The following CFAP46 variants were observed in gnomAD, a reference collection of about 807,000 sequenced individuals.
The protein encoded by CFAP46 is cilia- and flagella-associated protein 46.
In CFAP46, 245 loss-of-function variants were observed where a neutral mutation model predicts 325.7. The observed-to-expected ratio is 0.75, with a 90% CI of 0.68 to 0.84. CFAP46 has a LOEUF of 0.84. CFAP46 is among the 40% of genes least tolerant of loss of function. CFAP46 has a pLI of 0.00. For synonymous variants in CFAP46, 1,523 were observed against 1,495.9 expected (o/e 1.02, Z -0.42); for missense variants, 3,346 against 3,543.0 (o/e 0.94, Z 1.41).
chr10:132,892,093 C>T (rs1268832556), intron 25 of CFAP46, among the ~76,000 whole-genome samples: 2 of 152,198 alleles, frequency 1.3e-5, no homozygotes, highest in African/African-American at 4.8e-5. Flanking sequence ...TTTTCATGGA[C>T]AGTCAGAAGG....
At chr10:132,814,541 C>CGT (rs1565031928) in intron 53 of CFAP46, 36 bp downstream of exon 53, 2 of 1,550,258 alleles carry the variant, frequency 1.3e-6, no homozygotes, top group South Asian at 2.4e-5. Context: ...CCGAGGCTGG[C>CGT]GTGTGCCTGA....
chr10:132,836,278 C>T (rs1848246534), intron 45 of CFAP46, 60 bp from the exon 46 acceptor site: 1 of 1,532,158 alleles, frequency 6.5e-7, no homozygotes, highest in Admixed American at 1.7e-5. Context: ...CACCTCACAG[C>T]CCAGCTCCAG....
In CFAP46 at chr10:132,846,141, C is replaced by T; in HGVS notation, c.6354G>A (p.Gln2118=). 1.9e-6 allele frequency: 3 copies of T among 1,611,174 alleles called. No homozygotes were observed. Among genetic ancestry groups the T allele is most frequent in the Non-Finnish European group, 2.5e-6 (3 of 1,179,512 alleles). ...TSSSQLAALL[Q]LQHQLRCQDR... is the part of the protein sequence containing the mutation. ...CTTGGCACCGGAGCTGGTGCTGTAG[C>T]TGCAGCAGGGCCGCCAGCTGTGAGC... The change falls in exon 44 of 58, where the codon CAG becomes CAA. Residue 2118 remains glutamine (Q), a synonymous_variant. Coordinates refer to ENST00000368586, the MANE Select transcript of CFAP46 (RefSeq NM_001200049.3).
intron 24 of CFAP46, among the ~76,000 whole-genome samples, chr10:132,897,901 C>T (rs1174096553): frequency 6.6e-6 from 1 of 152,222 alleles, no homozygotes; most frequent in Non-Finnish European, 1.5e-5. Context: ...AAAGTCAGGC[C>T]AAGAAGCTGC....
rs1389724505 is a variant in CFAP46 at position 132,887,000 on chromosome 10, C to G, written c.3305-1041G>C. 6.6e-6 allele frequency among the ~76,000 whole-genome samples: 1 copy of G among 151,994 alleles called. No individual in the cohort carries two copies. Among genetic ancestry groups the G allele is most frequent in the African/African-American group, 2.4e-5 (1 of 41,322 alleles). ...ATCTGTCTTCTCTCTTTTCTCTTCT[C>G]TCTCTCTCGCCTCTCTCTCTGCTCT... On this transcript the variant is annotated intron_variant, in intron 25 of 57. Transcript: ENST00000368586. The surrounding 1 kb of genome is among the most constrained non-coding windows in gnomAD (Gnocchi z 5.8).
chr10:132,931,152 C>T (rs1394171910), intron 8 of CFAP46, among the ~76,000 whole-genome samples: 2 of 89,624 alleles, frequency 2.2e-5, no homozygotes, highest in African/African-American at 4.6e-5. Flanking sequence ...GAGCCTGGAC[C>T]TTCCTCCTCG....
intron 6 of CFAP46, 63 bp from the exon 7 acceptor site, chr10:132,937,118 T>C: frequency 2.1e-6 from 2 of 960,924 alleles, no homozygotes; most frequent in Non-Finnish European, 2.9e-6. Flanking sequence ...GTTCAGATTT[T>C]GTGTCTAGAT....
rs1292041113 is a variant in CFAP46 at position 132,886,451 on chromosome 10, G to A, written c.3305-492C>T. 3.3e-5 allele frequency among the ~76,000 whole-genome samples: 5 copies of A among 152,212 alleles called. No individual in the cohort carries two copies. Among genetic ancestry groups the A allele is most frequent in the African/African-American group, 9.6e-5 (4 of 41,456 alleles). On this transcript the variant is annotated intron_variant, in intron 25 of 57. Coordinates refer to ENST00000368586, the MANE Select transcript of CFAP46 (RefSeq NM_001200049.3). The surrounding 1 kb of genome is among the most constrained non-coding windows in gnomAD (Gnocchi z 5.8). ...AGCCATGTGACACGCAGAGGCAAAG[G>A]TGCCTGCCTTCAGGGCACACACAAA...
intron 44 of CFAP46, 101 bp from the exon 45 acceptor site, chr10:132,837,015 C>T (rs1848262143): frequency 7.5e-6 from 7 of 931,930 alleles, no homozygotes; most frequent in South Asian, 4.2e-5. Flanking sequence ...AGAGCCACGG[C>T]GGGGGCTTTG....
rs1564777790 is a variant in CFAP46 at position 132,851,132 on chromosome 10, G to A, written c.5748C>T (p.Tyr1916=). The A allele has an allele frequency of 1.2e-6, 2 of 1,613,970 alleles. No homozygotes were observed. The highest frequency in any genetic ancestry group is 1.7e-5 in the Admixed American group (1 of 60,022). Residue 1916 remains tyrosine, a synonymous_variant, in exon 40 of 58, where the codon TAC becomes TAT. Coordinates refer to ENST00000368586, the MANE Select transcript of CFAP46 (RefSeq NM_001200049.3). ...CAGCAATTACCAGGCCGACGGAAGT[G>A]TAGTCACTGGTGTTCTGCAGATAGT... ...LADYLQNTSD[Y]TSVGLQWFTL...
Position 132,869,331 on chromosome 10 carries a change from G to T in CFAP46, c.4553C>A (p.Ala1518Asp). 6.5e-7 allele frequency: 1 copy of T among 1,538,886 alleles called. No individual in the cohort carries two copies. The change falls in exon 33 of 58, where the codon GCC (alanine) becomes GAC (aspartate). Residue 1518 changes from alanine to aspartate, a missense_variant. Transcript: ENST00000368586. The surrounding 1 kb of genome is among the most constrained non-coding windows in gnomAD (Gnocchi z 6.2). ...CCCGACCGCCTCTTCATGGCGCGCG[G>T]CTGCTTCTCTCAGCTTCAGCTCGGA... The part of the protein sequence containing the change: ...ACSELKLREA[A>D]ARHEEAVGQV...
chr10:132,823,170 GCTGT>G (rs1847924539), intron 50 of CFAP46, among the ~76,000 whole-genome samples: 1 of 94,592 alleles, frequency 1.1e-5, no homozygotes, highest in Admixed American at 1.2e-4. Context: ...AGTGATGTGT[GCTGT>G]CTGTGCGCTG....
intron 1 of CFAP46, 98 bp from the exon 2 acceptor site, chr10:132,942,202 C>T (rs1340578866): frequency 1.4e-6 from 2 of 1,465,660 alleles, no homozygotes; most frequent in Non-Finnish European, 1.8e-6. Context: ...CGCCTTGGGC[C>T]CCCGGGCCAC....
At chr10:132,871,693 C>G (rs145196790) in intron 32 of CFAP46, among the ~76,000 whole-genome samples, 3 of 152,304 alleles carry the variant, frequency 2.0e-5, no homozygotes, top group Admixed American at 2.0e-4. Context: ...TGAATGGATG[C>G]GGAATTGCCT....
intron 8 of CFAP46, among the ~76,000 whole-genome samples, chr10:132,931,597 T>TCCCCACAC (rs1174472443): frequency 4.7e-5 from 6 of 128,856 alleles, no homozygotes; most frequent in East Asian, 2.6e-4. Flanking sequence ...AGCCTGGGCC[T>TCCCCACAC]TCCCCATACA....
chr10:132,808,602 G>C lies in CFAP46; in HGVS notation c.7967C>G (p.Ser2656Cys), dbSNP rs374964573. Reference protein sequence around the residue: ...ASARDPPPATSRKAAAWTSSS... With the variant: ...ASARDPPPATCRKAAAWTSSS... ...CGAGGTCCAGGCGGCTGCCTTGCGG[G>C]AAGTCGCTGGGGGAGGGTCCCTGGC... Residue 2656 changes from serine to cysteine, a missense_variant, in exon 58 of 58, where the codon TCC becomes TGC. Coordinates refer to ENST00000368586, the MANE Select transcript of CFAP46 (RefSeq NM_001200049.3). This position sits in a 1 kb window ranked among gnomAD's most constrained non-coding sequence, Gnocchi z 6.8. The C allele has an allele frequency of 1.2e-6, 2 of 1,612,406 alleles. No homozygotes were observed. Among genetic ancestry groups the C allele is most frequent in the Admixed American group, 3.3e-5 (2 of 59,956 alleles).
Position 132,879,421 on chromosome 10 carries a change from C to T in CFAP46, c.4005+5G>A, listed in dbSNP as rs1309319344. ...AGGAGCAGGGGAGTCTGCGCTGGGCCTCACCTGCCAGATGTGCCTGAAGAA... is the reference window on the plus strand; with the variant it reads ...AGGAGCAGGGGAGTCTGCGCTGGGCTTCACCTGCCAGATGTGCCTGAAGAA... On this transcript the variant is annotated splice_donor_5th_base_variant and intron_variant, in intron 29 of 57. Coordinates refer to ENST00000368586, the MANE Select transcript of CFAP46 (RefSeq NM_001200049.3). The T allele has an allele frequency of 1.3e-6, 2 of 1,504,044 alleles. No homozygotes were observed. Among genetic ancestry groups the T allele is most frequent in the South Asian group, 2.6e-5 (2 of 77,206 alleles). 93.2% of individuals were successfully genotyped at this position (1,504,044 alleles called of 1,614,324 possible). A position where few individuals can be genotyped will look rare whatever the true frequency, so the allele number is the denominator to read the frequency against.
In CFAP46 at chr10:132,808,543, G is replaced by C. The variant is rs866587093; in HGVS notation, c.8026C>G (p.Arg2676Gly). 6.2e-7 allele frequency: 1 copy of C among 1,612,912 alleles called. No homozygotes were observed. Among genetic ancestry groups the C allele is most frequent in the African/African-American group, 1.3e-5 (1 of 74,934 alleles). ...GAAGAGACGCAGCTCCAGCCCCGAC[G>C]CAGACCCCATGGCGCACACAGGCAG... ...SACLCAPWGL[R>G]RGWSCVSSRG... The change falls in exon 58 of 58, where the codon CGT (arginine) becomes GGT (glycine). Residue 2676 changes from arginine to glycine, a missense_variant. Coordinates refer to ENST00000368586, the MANE Select transcript of CFAP46 (RefSeq NM_001200049.3). The surrounding 1 kb of genome is among the most constrained non-coding windows in gnomAD (Gnocchi z 6.8).
Position 132,835,298 on chromosome 10 carries a change from CCTCACCGAG to C in CFAP46, c.6741_6744+5del. On this transcript the variant is annotated splice_donor_variant and splice_donor_5th_base_variant and coding_sequence_variant and intron_variant, in exon 47 of 58. Transcript: ENST00000368586. LOFTEE classifies it high-confidence loss of function. ...GCTGGGTGGCTTGGAGCCTGGAGGG[CCTCACCGAG>C]CCTATGTTCAGGGCCATGTCCTCAC... 1 of 1,611,566 alleles carries C rather than the reference CCTCACCGAG, an allele frequency of 6.2e-7. No homozygotes were observed. Among genetic ancestry groups the C allele is most frequent in the Non-Finnish European group, 8.5e-7 (1 of 1,179,326 alleles).
Sources: gnomAD v4.1 joint callset for allele counts (sites outside exome capture counted in the v4.1 genomes callset) on GRCh38, gnomAD v4.1.1 for gene constraint, Gnocchi (gnomAD v3.1) non-coding constraint, MANE v1.5 for transcripts, NCBI Gene and HGNC (gene_info 2026-07-23, HGNC 2026-07-21) for gene names.